The following ASIC2 variants were observed in gnomAD, a reference collection of about 807,000 sequenced individuals.
ASIC2 encodes acid sensing ion channel subunit 2.
ASIC2 carries 25 observed loss-of-function variants against 57.3 expected under a neutral mutation model. The observed-to-expected ratio is 0.44, with a 90% CI of 0.32 to 0.61. The LOEUF (loss-of-function observed/expected upper bound fraction) is 0.61, where lower values mean the gene tolerates loss of function less well. ASIC2 is among the 20% of genes least tolerant of loss of function. The probability of loss-of-function intolerance (pLI) is 0.06; values close to 1 mark genes in which losing one functional copy is unlikely to be tolerated. For missense variants in ASIC2, 641 were observed against 738.1 expected, an observed-to-expected ratio of 0.87 and a Z score of 1.52; for synonymous variants, 319 against 307.5, an observed-to-expected ratio of 1.04 and a Z score of -0.39.
At chr17:33,839,896 G>A (rs1281123290) in intron 1 of ASIC2, among the ~76,000 whole-genome samples, 1 of 152,168 alleles carries the variant, frequency 6.6e-6, no homozygotes, top group African/African-American at 2.4e-5. Flanking sequence ...CACAGCATCT[G>A]GGCAGCTCCG....
At chr17:33,494,945 T>C (rs113223681) in intron 1 of ASIC2, among the ~76,000 whole-genome samples, 2 of 152,202 alleles carry the variant, frequency 1.3e-5, no homozygotes, top group African/African-American at 4.8e-5. Context: ...AGGGTCTCTC[T>C]CTATACTCTT....
chr17:33,867,730 G>A (rs437937), intron 1 of ASIC2, among the ~76,000 whole-genome samples: 103,706 of 151,810 alleles, frequency 0.68, 36,465 homozygotes, highest in Admixed American at 0.8. Context: ...AGCTGCTCTG[G>A]CAACTGCTTG....
chr17:33,853,694 C>A (rs1032208289), intron 1 of ASIC2, among the ~76,000 whole-genome samples: 1 of 152,182 alleles, frequency 6.6e-6, no homozygotes, highest in Admixed American at 6.5e-5. Context: ...AAGAAGAAAT[C>A]TCTGGCTAAG....
intron 2 of ASIC2, among the ~76,000 whole-genome samples, chr17:33,096,875 G>T (rs1452842253): frequency 1.3e-5 from 2 of 152,200 alleles, no homozygotes; most frequent in Non-Finnish European, 2.9e-5. Flanking sequence ...ACACTGGGGC[G>T]CTTCAAGAAC....
chr17:33,548,672 A>G (rs1211692892), intron 1 of ASIC2, among the ~76,000 whole-genome samples: 4 of 152,066 alleles, frequency 2.6e-5, no homozygotes, highest in Non-Finnish European at 4.4e-5. Context: ...ATAAATTCCA[A>G]ATCCCTACTA....
intron 1 of ASIC2, chr17:33,569,264 T>C (rs1259230160): frequency 1.3e-5 from 2 of 152,292 alleles, no homozygotes; most frequent in Non-Finnish European, 2.9e-5. Flanking sequence ...CTGCAAGGCA[T>C]GTAGAATGGT....
At chr17:33,237,287 AG>A (rs1490235872) in intron 1 of ASIC2, among the ~76,000 whole-genome samples, 3 of 151,676 alleles carry the variant, frequency 2.0e-5, no homozygotes, top group Non-Finnish European at 4.4e-5. Flanking sequence ...AGGCCACAGC[AG>A]GGTTTGTGGT....
chr17:33,239,419 C>A (rs1277381805), intron 1 of ASIC2, among the ~76,000 whole-genome samples: 2 of 152,286 alleles, frequency 1.3e-5, no homozygotes, highest in Non-Finnish European at 2.9e-5. Context: ...CTGATTCCAT[C>A]TGATAGTCTG....
chr17:33,359,027 C>G lies in ASIC2; in HGVS notation c.556-246960G>C, dbSNP rs945182796. ...GAAGGTGGGGAGCCTCTTTGCCCCC[C>G]CTTTCTCTTCCAGCAACAATGGAAG... On this transcript the variant is annotated intron_variant, in intron 1 of 9. Coordinates refer to the ASIC2 transcript ENST00000359872. Among the ~76,000 whole-genome samples the G allele has an allele frequency of 4.6e-5, 7 of 152,176 alleles. No homozygotes were observed. The East Asian group carries it at 1.4e-3, about 29-fold the overall frequency.
chr17:34,120,722 C>CTTTTTTTTTTTTTTTTTTTTTTTTTTTT (rs142959293), intron 1 of ASIC2, among the ~76,000 whole-genome samples: 1 of 94,626 alleles, frequency 1.1e-5, no homozygotes, highest in Non-Finnish European at 2.0e-5. Flanking sequence ...TGGGGTCCTT[C>CTTTTTTTTTTTTTTTTTTTTTTTTTTTT]TTTTTTTTTT....
chr17:34,025,932 T>C (rs1335188057), intron 1 of ASIC2, among the ~76,000 whole-genome samples: 1 of 152,246 alleles, frequency 6.6e-6, no homozygotes, highest in Non-Finnish European at 1.5e-5. Flanking sequence ...GTCTTTATCA[T>C]AGCAGCTGTG....
At chr17:33,533,132 G>T (rs1245663785) in intron 1 of ASIC2, among the ~76,000 whole-genome samples, 2 of 151,990 alleles carry the variant, frequency 1.3e-5, no homozygotes, top group Non-Finnish European at 2.9e-5. Context: ...GATTGCCTGA[G>T]GTCAGGAGTT....
chr17:33,221,002 GAA>G (rs1485743628), intron 1 of ASIC2, among the ~76,000 whole-genome samples: 1 of 152,134 alleles, frequency 6.6e-6, no homozygotes, highest in Non-Finnish European at 1.5e-5. Context: ...AGCCCAGGAG[GAA>G]AAGTTTGCAG....
intron 1 of ASIC2, among the ~76,000 whole-genome samples, chr17:34,085,676 T>C (rs969702342): frequency 1.8e-3 from 278 of 152,214 alleles, no homozygotes; most frequent in Non-Finnish European, 3.4e-3. Flanking sequence ...CCTGGACTCT[T>C]TTTGGTTGGT....
intron 1 of ASIC2, among the ~76,000 whole-genome samples, chr17:33,488,229 G>A (rs574529847): frequency 7.2e-5 from 11 of 152,058 alleles, no homozygotes; most frequent in African/African-American, 1.9e-4. Context: ...TTTGCTTTCC[G>A]TTGTGCTCCT....
chr17:33,391,251 G>A (rs1335165681), intron 1 of ASIC2, among the ~76,000 whole-genome samples: 2 of 152,140 alleles, frequency 1.3e-5, no homozygotes, highest in Non-Finnish European at 2.9e-5. Flanking sequence ...TAGAACTCAG[G>A]TCACCTGCTT....
intron 1 of ASIC2, among the ~76,000 whole-genome samples, chr17:33,678,435 C>CCACACACA (rs71144896): frequency 0.01 from 1,463 of 139,570 alleles, 18 homozygotes; most frequent in African/African-American, 0.014. Context: ...CTGGTTCAAT[C>CCACACACA]CACACACACA....
chr17:33,735,386 G>C (rs1410275310), intron 1 of ASIC2, among the ~76,000 whole-genome samples: 1 of 152,158 alleles, frequency 6.6e-6, no homozygotes, highest in Non-Finnish European at 1.5e-5. Context: ...AGGCCATTAG[G>C]AAAGGTTCAC....
At chr17:33,177,490 G>T (rs1258355285) in intron 1 of ASIC2, among the ~76,000 whole-genome samples, 2 of 152,138 alleles carry the variant, frequency 1.3e-5, no homozygotes, top group Non-Finnish European at 2.9e-5. Flanking sequence ...AGTCACAATT[G>T]GTGGACAAAG....
Sources: allele counts gnomAD v4.1 joint callset (sites outside exome capture counted in the v4.1 genomes callset), GRCh38; gene constraint gnomAD v4.1.1; transcripts MANE v1.5; gene names NCBI Gene and HGNC (gene_info 2026-07-23, HGNC 2026-07-21).